Variants in TMEM47 observed in about 807,000 individuals in gnomAD.
TMEM47 encodes transmembrane protein 47, also known as brain cell membrane protein 1.
In TMEM47, 3 loss-of-function variants were observed where a neutral mutation model predicts 12.4. The observed-to-expected ratio is 0.24, with a 90% CI of 0.11 to 0.63. The LOEUF (loss-of-function observed/expected upper bound fraction) is 0.63. Among genes scored for constraint, TMEM47 ranks in the 20% least tolerant of loss-of-function variants. The pLI is 0.86. For missense variants in TMEM47, 89 were observed against 143.8 expected (o/e 0.62, Z 1.95); for synonymous variants, 62 against 63.3 (o/e 0.98, Z 0.10).
chrX:34,652,439 G>A (rs1922033422), intron 1 of TMEM47, among the ~76,000 whole-genome samples: 1 of 112,165 alleles, frequency 8.9e-6, no homozygotes, highest in Non-Finnish European at 1.9e-5. Context: ...CCGACAGCAA[G>A]TAAAATCTAT....
At chrX:34,652,785 T>C (rs1408633713) in intron 1 of TMEM47, among the ~76,000 whole-genome samples, 2 of 111,883 alleles carry the variant, frequency 1.8e-5, no homozygotes, top group Non-Finnish European at 3.8e-5. Flanking sequence ...TGTCCACCCG[T>C]CTATGATGTC....
chrX:34,639,608 T>G (rs1170062025), intron 1 of TMEM47, among the ~76,000 whole-genome samples: 6 of 111,556 alleles, frequency 5.4e-5, no homozygotes, highest in Non-Finnish European at 9.4e-5. Context: ...GACCAGGGGT[T>G]TGCTAGGATT....
chrX:34,645,408 A>G (rs1921893002), intron 1 of TMEM47, among the ~76,000 whole-genome samples: 1 of 112,263 alleles, frequency 8.9e-6, no homozygotes, highest in Admixed American at 9.5e-5. Context: ...GAGTTTGGAT[A>G]GGAAGCCTGT....
intron 1 of TMEM47, among the ~76,000 whole-genome samples, chrX:34,652,882 C>T (rs1261449126): frequency 1.8e-5 from 2 of 111,995 alleles, no homozygotes; most frequent in Non-Finnish European, 3.8e-5. Flanking sequence ...TCCAGGCTTG[C>T]GGAGCTATTT....
At chrX:34,631,492 A>G (rs1435939129) in intron 2 of TMEM47, among the ~76,000 whole-genome samples, 1 of 111,475 alleles carries the variant, frequency 9.0e-6, no homozygotes, top group African/African-American at 3.3e-5. Context: ...AACAGATGAT[A>G]TTTTCATATC....
chrX:34,627,603 A>G lies in TMEM47; in HGVS notation c.*2710T>C, dbSNP rs1054266150. On this transcript the variant is annotated 3_prime_UTR_variant, in exon 3 of 3. Transcript: ENST00000275954. ...TAAAATTTACATGTTGAACTTACAAAAAGCTAAATAATTGTGCAAGAAATC... is the reference window on the plus strand; with the variant it reads ...TAAAATTTACATGTTGAACTTACAAGAAGCTAAATAATTGTGCAAGAAATC... 2 of 112,341 alleles carry G rather than the reference A, an allele frequency of 1.8e-5. No individual in the cohort carries two copies. The highest frequency in any genetic ancestry group is 3.8e-5 in the Non-Finnish European group (2 of 53,164). The allele number at this position is 112,341 out of a possible 1,213,427, so 9.3% of individuals were successfully genotyped here. A position where few individuals can be genotyped will look rare whatever the true frequency, so the allele number is the denominator to read the frequency against.
intron 1 of TMEM47, among the ~76,000 whole-genome samples, chrX:34,643,922 A>C: frequency 9.1e-6 from 1 of 110,302 alleles, no homozygotes; most frequent in African/African-American, 3.3e-5. Context: ...GGATCTGAAA[A>C]CCAAACCTGA....
chrX:34,639,345 G>A lies in TMEM47; in HGVS notation c.269C>T (p.Ala90Val). 1 of 1,208,655 alleles carries A rather than the reference G, an allele frequency of 8.3e-7. No homozygotes were observed. The highest frequency in any genetic ancestry group is 1.1e-6 in the Non-Finnish European group (1 of 894,016). ...ATLALLLGGA[A>V]IILIAFLVGL... The stretch of plus-strand genomic sequence containing the variant: ...CACCAGGAATGCAATGAGAATGATG[G>A]CAGCGCCGCCCAGGAGTAAAGCCAG... Residue 90 changes from alanine to valine, a missense_variant, in exon 2 of 3, where the codon GCC (alanine) becomes GTC (valine). Coordinates refer to ENST00000275954, the MANE Select transcript of TMEM47 (RefSeq NM_031442.4).
intron 2 of TMEM47, among the ~76,000 whole-genome samples, chrX:34,631,086 G>A (rs1057392204): frequency 5.1e-5 from 5 of 97,933 alleles, no homozygotes; most frequent in African/African-American, 1.2e-4. Context: ...CTGGAAAATC[G>A]CTTGAACCAG....
intron 2 of TMEM47, among the ~76,000 whole-genome samples, chrX:34,632,364 T>C (rs1462094349): frequency 2.7e-5 from 3 of 111,840 alleles, no homozygotes; most frequent in Middle Eastern, 4.2e-3. Flanking sequence ...AATGGAATTT[T>C]ATGTTTTAAA....
chrX:34,631,128 G>A (rs1921611903), intron 2 of TMEM47, among the ~76,000 whole-genome samples: 1 of 78,767 alleles, frequency 1.3e-5, no homozygotes, highest in African/African-American at 5.2e-5. Context: ...CTGAGATCAT[G>A]CCACTGCACT....
intron 2 of TMEM47, among the ~76,000 whole-genome samples, chrX:34,632,920 C>T (rs1245565390): frequency 9.1e-6 from 1 of 110,274 alleles, no homozygotes; most frequent in South Asian, 3.8e-4. Context: ...ACCATAACTA[C>T]AGAGAAGAAA....
intron 1 of TMEM47, among the ~76,000 whole-genome samples, chrX:34,652,944 C>T (rs922318840): frequency 1.8e-5 from 2 of 112,103 alleles, no homozygotes; most frequent in Admixed American, 9.5e-5. Flanking sequence ...GAACCTTCCC[C>T]GGAGCAAATC....
At chrX:34,637,263 G>T (rs1391252557) in intron 2 of TMEM47, among the ~76,000 whole-genome samples, 1 of 110,459 alleles carries the variant, frequency 9.1e-6, no homozygotes, top group Non-Finnish European at 1.9e-5. Context: ...GCAATGGCTA[G>T]CTCTTAGCTA....
intron 1 of TMEM47, among the ~76,000 whole-genome samples, chrX:34,655,768 G>A (rs1201489219): frequency 3.0e-5 from 3 of 100,433 alleles, no homozygotes; most frequent in Non-Finnish European, 4.0e-5. Context: ...GTCTGTGTAT[G>A]TGTGTGTGAG....
Position 34,630,266 on chromosome X carries a change from C to A in TMEM47, c.*47G>T, listed in dbSNP as rs1196665771. The A allele has an allele frequency of 1.8e-6, 2 of 1,102,816 alleles. No individual in the cohort carries two copies. The highest frequency in any genetic ancestry group is 2.4e-6 in the Non-Finnish European group (2 of 820,785). The allele number at this position is 1,102,816 out of a possible 1,213,427, so 90.9% of individuals were successfully genotyped here. On this transcript the variant is annotated 3_prime_UTR_variant, in exon 3 of 3. Transcript: ENST00000275954. ...AAGTTAGAAAAGATGCAGACGTAAT[C>A]CTTTTGTTGGATGGTGGTGGTTGTT...
chrX:34,647,134 T>A (rs1183138995), intron 1 of TMEM47, among the ~76,000 whole-genome samples: 1 of 111,040 alleles, frequency 9.0e-6, no homozygotes, highest in East Asian at 2.8e-4. Context: ...AGCATTCGAA[T>A]GTACCCCCCT....
chrX:34,648,088 G>A (rs1034407875), intron 1 of TMEM47, among the ~76,000 whole-genome samples: 1 of 111,992 alleles, frequency 8.9e-6, no homozygotes, highest in African/African-American at 3.2e-5. Context: ...CTCATGGATA[G>A]GAAGAATCAA....
chrX:34,632,181 A>C, intron 2 of TMEM47, among the ~76,000 whole-genome samples: 1 of 112,106 alleles, frequency 8.9e-6, no homozygotes, highest in East Asian at 2.8e-4. Flanking sequence ...TATATGAAAT[A>C]ATTTTAGGGG....
Sources: gnomAD v4.1 joint callset for allele counts (sites outside exome capture counted in the v4.1 genomes callset) on GRCh38, gnomAD v4.1.1 for gene constraint, MANE v1.5 for transcripts, NCBI Gene and HGNC (gene_info 2026-07-23, HGNC 2026-07-21) for gene names.